Variants in MPP7 observed in about 807,000 individuals in gnomAD.
The protein encoded by MPP7 is MAGUK p55 subfamily member 7.
MPP7 carries 60 observed loss-of-function variants against 76.5 expected under a neutral mutation model. The ratio of observed to expected loss-of-function variants is 0.78; its 90% CI spans 0.64 to 0.97. MPP7 has a LOEUF of 0.97. Among genes scored for constraint, MPP7 ranks in the 50% least tolerant of loss-of-function variants. The pLI, the probability that MPP7 is intolerant of heterozygous loss-of-function variation, is 0.00. For missense variants in MPP7, 641 were observed against 694.0 expected (o/e 0.92, Z 0.86); for synonymous variants, 237 against 244.5 (o/e 0.97, Z 0.29).
intron 5 of MPP7, among the ~76,000 whole-genome samples, chr10:28,145,795 A>G (rs759008530): frequency 2.0e-5 from 3 of 151,944 alleles, no homozygotes; most frequent in Non-Finnish European, 4.4e-5. Flanking sequence ...AAAAATAACC[A>G]AATTATCCAC....
At chr10:28,086,604 T>C (rs1368619934) in intron 12 of MPP7, among the ~76,000 whole-genome samples, 1 of 152,170 alleles carries the variant, frequency 6.6e-6, no homozygotes, top group Non-Finnish European at 1.5e-5. Context: ...TCTGGGAGCA[T>C]TATTTTGCCT....
chr10:28,250,587 C>G (rs78289628), intron 1 of MPP7, among the ~76,000 whole-genome samples: 1,907 of 152,270 alleles, frequency 0.013, 40 homozygotes, highest in African/African-American at 0.043. Context: ...CTTGACTACT[C>G]TAAATAAACG....
intron 12 of MPP7, among the ~76,000 whole-genome samples, chr10:28,074,734 A>G (rs535519607): frequency 6.6e-6 from 1 of 152,310 alleles, no homozygotes; most frequent in South Asian, 2.1e-4. Context: ...CTCTTACCTT[A>G]ATACAACAAG....
chr10:28,171,725 A>C (rs6481507), intron 3 of MPP7, among the ~76,000 whole-genome samples: 20,488 of 152,204 alleles, frequency 0.13, 2,071 homozygotes, highest in African/African-American at 0.28. Flanking sequence ...AAGGGTAACA[A>C]AAGCACACCC....
intron 13 of MPP7, 83 bp downstream of exon 13, chr10:28,069,689 T>G: frequency 8.5e-7 from 1 of 1,175,846 alleles, no homozygotes; most frequent in Non-Finnish European, 1.2e-6. Flanking sequence ...AAAAACAAGT[T>G]AAAAATTTTT....
At chr10:28,092,590 TGAG>T in intron 11 of MPP7, among the ~76,000 whole-genome samples, 1 of 149,520 alleles carries the variant, frequency 6.7e-6, no homozygotes, top group African/African-American at 2.5e-5. Flanking sequence ...TTTTTTTTTT[TGAG>T]ACAGGGACTG....
intron 2 of MPP7, among the ~76,000 whole-genome samples, chr10:28,228,932 G>C (rs1037428633): frequency 6.6e-6 from 1 of 152,154 alleles, no homozygotes; most frequent in African/African-American, 2.4e-5. Context: ...GCTGATGGCT[G>C]ATGGAAAGAC....
In MPP7 at chr10:28,111,141, G is replaced by T. The variant is rs997050133; in HGVS notation, c.952+8510C>A. Among the ~76,000 whole-genome samples, 3 of 152,092 alleles carry T rather than the reference G, an allele frequency of 2.0e-5. No individual in the cohort carries two copies. In the South Asian group the frequency reaches 6.2e-4, roughly 32 times the overall value. ...TTCCTCTGAGAAGCACAAAGAAAAT[G>T]AGAAAGGAAATGATTAAATGTGCAG... On this transcript the variant is annotated intron_variant, in intron 11 of 16. Coordinates refer to ENST00000683449, the MANE Select transcript of MPP7 (RefSeq NM_001318170.2).
chr10:28,131,677 T>C lies in MPP7; in HGVS notation c.330A>G (p.Val110=), dbSNP rs1319345130. 1 of 1,590,368 alleles carries C rather than the reference T, an allele frequency of 6.3e-7. No homozygotes were observed. Among genetic ancestry groups the C allele is most frequent in the Non-Finnish European group, 8.6e-7 (1 of 1,165,750 alleles). The change falls in exon 6 of 17, where the codon GTA becomes GTG. Residue 110 remains valine (V), a synonymous_variant. Transcript: ENST00000683449. ...SKPNVKALLS[V]HDTVAQKNYD... is the part of the protein sequence containing the mutation. ...AATTCTTCTGAGCCACAGTATCATG[T>C]ACAGAGAGCAAAGCCTGTAATATTC...
intron 2 of MPP7, among the ~76,000 whole-genome samples, chr10:28,226,814 T>C (rs762543489): frequency 3.4e-4 from 52 of 152,246 alleles, no homozygotes; most frequent in Non-Finnish European, 6.2e-4. Flanking sequence ...CCCATAAAGA[T>C]TCTAAAATGA....
intron 5 of MPP7, among the ~76,000 whole-genome samples, chr10:28,132,677 G>A (rs11006891): frequency 0.12 from 18,484 of 152,022 alleles, 1,526 homozygotes; most frequent in East Asian, 0.31. Context: ...TTGGCTTACC[G>A]CAACCTCCAC....
chr10:28,150,442 GC>G (rs1221771273), intron 3 of MPP7, among the ~76,000 whole-genome samples: 5 of 152,088 alleles, frequency 3.3e-5, no homozygotes, highest in Admixed American at 6.5e-5. Flanking sequence ...TTATATTCCT[GC>G]TAAAAATGTA....
At chr10:28,124,743 A>G (rs1057319254) in intron 7 of MPP7, among the ~76,000 whole-genome samples, 1 of 152,074 alleles carries the variant, frequency 6.6e-6, no homozygotes, top group Non-Finnish European at 1.5e-5. Context: ...TTGGCCTCCA[A>G]AAGTGCTGGG....
chr10:28,074,916 G>A (rs1252590557), intron 12 of MPP7, among the ~76,000 whole-genome samples: 3 of 152,094 alleles, frequency 2.0e-5, no homozygotes, highest in South Asian at 4.1e-4. Flanking sequence ...TTCTCACACT[G>A]CTATAAAGAA....
At chr10:28,283,365 A>G (rs1840723749) in intron 1 of MPP7, among the ~76,000 whole-genome samples, 1 of 151,980 alleles carries the variant, frequency 6.6e-6, no homozygotes, top group South Asian at 2.1e-4. Context: ...TCTACTTGTA[A>G]ATGTAAATGG....
intron 3 of MPP7, among the ~76,000 whole-genome samples, chr10:28,191,996 C>T (rs1050308995): frequency 1.3e-5 from 2 of 151,924 alleles, no homozygotes; most frequent in African/African-American, 4.8e-5. Flanking sequence ...TAGTGACGCA[C>T]ACCTGTAATC....
intron 11 of MPP7, among the ~76,000 whole-genome samples, chr10:28,095,194 C>CATATATATATATAT (rs10528025): frequency 0.019 from 2,480 of 130,112 alleles, 58 homozygotes; most frequent in East Asian, 0.093. Context: ...CACACATATG[C>CATATATATATATAT]ATATATATAT....
chr10:28,120,675 AC>A lies in MPP7; in HGVS notation c.616-8del. On this transcript the variant is annotated splice_polypyrimidine_tract_variant and splice_region_variant and intron_variant, in intron 8 of 16. Coordinates refer to ENST00000683449, the MANE Select transcript of MPP7 (RefSeq NM_001318170.2). ...TTGCTCCCTGAGACTGAGCCTGGTAACAGATAAAACAAGGAGTTATAAGAAA... is the reference window on the plus strand; with the variant it reads ...TTGCTCCCTGAGACTGAGCCTGGTAAAGATAAAACAAGGAGTTATAAGAAA... The A allele has an allele frequency of 6.2e-7, 1 of 1,611,410 alleles. No homozygotes were observed. The highest frequency in any genetic ancestry group is 8.5e-7 in the Non-Finnish European group (1 of 1,177,836).
chr10:28,193,655 G>A (rs1837485532), intron 3 of MPP7, among the ~76,000 whole-genome samples: 1 of 152,004 alleles, frequency 6.6e-6, no homozygotes, highest in African/African-American at 2.4e-5. Flanking sequence ...GAAAATATTT[G>A]CAAATACATA....
Sources: allele counts gnomAD v4.1 joint callset (sites outside exome capture counted in the v4.1 genomes callset), GRCh38; gene constraint gnomAD v4.1.1; transcripts MANE v1.5; gene names NCBI Gene and HGNC (gene_info 2026-07-23, HGNC 2026-07-21).